Variants in GLRA2 observed in about 807,000 individuals in gnomAD.
The protein encoded by GLRA2 is glycine receptor alpha 2.
In GLRA2, 11 loss-of-function variants were observed where a neutral mutation model predicts 31.6. The observed-to-expected ratio is 0.35, with a 90% confidence interval of 0.22 to 0.58. The LOEUF is 0.58. Ranked by LOEUF, GLRA2 falls within the 20% of genes least tolerant of loss-of-function variation. GLRA2 has a pLI of 0.84. For missense variants in GLRA2, 212 were observed against 351.8 expected (o/e 0.60, Z 3.18); for synonymous variants, 132 against 134.0 (o/e 0.99, Z 0.10).
intron 2 of GLRA2, among the ~76,000 whole-genome samples, chrX:14,536,605 G>A (rs1415947384): frequency 8.9e-6 from 1 of 111,929 alleles, no homozygotes; most frequent in Non-Finnish European, 1.9e-5. Context: ...ACAGTAATTG[G>A]TTCAATTATA....
At chrX:14,594,754 T>C (rs1321669849) in intron 4 of GLRA2, among the ~76,000 whole-genome samples, 3 of 111,374 alleles carry the variant, frequency 2.7e-5, no homozygotes, top group Admixed American at 1.9e-4. Context: ...GGAACAGATA[T>C]TGTATTTTTG....
chrX:14,646,768 A>G (rs2090836458), intron 7 of GLRA2, among the ~76,000 whole-genome samples: 1 of 111,690 alleles, frequency 9.0e-6, no homozygotes. Flanking sequence ...TAACAAAGGT[A>G]GAGAGAATCA....
At chrX:14,631,618 C>T (rs1025435840) in intron 7 of GLRA2, among the ~76,000 whole-genome samples, 4 of 109,166 alleles carry the variant, frequency 3.7e-5, no homozygotes, top group Admixed American at 3.0e-4. Flanking sequence ...TATTTAATAC[C>T]TTATGAATGA....
chrX:14,631,718 T>C (rs1395473132), intron 7 of GLRA2, among the ~76,000 whole-genome samples: 1 of 106,015 alleles, frequency 9.4e-6, no homozygotes, highest in African/African-American at 3.4e-5. Context: ...TCCCCTAGCC[T>C]CAGTTACTCT....
chrX:14,570,942 T>C (rs1291576007), intron 2 of GLRA2, among the ~76,000 whole-genome samples: 1 of 111,204 alleles, frequency 9.0e-6, no homozygotes, highest in Non-Finnish European at 1.9e-5. Context: ...GCCAGATCTA[T>C]ATCTTACTTC....
At chrX:14,459,714 C>CA in the GLRA2 span, among the ~76,000 whole-genome samples, 1 of 111,784 alleles carries the variant, frequency 8.9e-6, no homozygotes, top group African/African-American at 3.3e-5. Context: ...GATTTTTGCA[C>CA]ATTGATTTTG....
chrX:14,715,668 G>C (rs2091774830), intron 8 of GLRA2, among the ~76,000 whole-genome samples: 1 of 111,482 alleles, frequency 9.0e-6, no homozygotes, highest in Non-Finnish European at 1.9e-5. Flanking sequence ...TAAAAGACTT[G>C]AAGGAGTTTA....
At chrX:14,670,565 C>T (rs190078142) in intron 7 of GLRA2, among the ~76,000 whole-genome samples, 3 of 111,435 alleles carry the variant, frequency 2.7e-5, no homozygotes, top group East Asian at 2.8e-4. Flanking sequence ...CTTATGTGGA[C>T]GGCAGCAGGC....
At chrX:14,634,713 T>C (rs1250115143) in intron 7 of GLRA2, among the ~76,000 whole-genome samples, 3 of 111,786 alleles carry the variant, frequency 2.7e-5, no homozygotes, top group Non-Finnish European at 5.6e-5. Context: ...CAAATAGACA[T>C]TGAGGTCCTA....
intron 6 of GLRA2, 145 bp from the exon 7 acceptor site, chrX:14,608,846 T>C (rs1273967197): frequency 9.3e-6 from 4 of 432,177 alleles, no homozygotes; most frequent in Admixed American, 4.4e-5. Flanking sequence ...AAGAGTTGAA[T>C]TGGTTACGTA....
intron 7 of GLRA2, among the ~76,000 whole-genome samples, chrX:14,680,185 A>ATG (rs2091185538): frequency 8.9e-6 from 1 of 112,350 alleles, no homozygotes; most frequent in Non-Finnish European, 1.9e-5. Flanking sequence ...TCCATGATCT[A>ATG]TGTGAATGAT....
At chrX:14,697,091 GA>G (rs572262137) in intron 8 of GLRA2, among the ~76,000 whole-genome samples, 85 of 103,770 alleles carry the variant, frequency 8.2e-4, no homozygotes, top group Middle Eastern at 4.9e-3. Context: ...ACCATGGTTA[GA>G]AAAAAAAAAA....
Position 14,607,228 on chromosome X carries a change from A to G in GLRA2, c.675A>G (p.Glu225=). 8.3e-7 allele frequency: 1 copy of G among 1,199,074 alleles called. No individual in the cohort carries two copies. Among genetic ancestry groups the G allele is most frequent in the South Asian group, 1.8e-5 (1 of 56,524 alleles). The change falls in exon 6 of 9, where the codon GAA becomes GAG. Residue 225 remains glutamate (E), a synonymous_variant. Coordinates refer to ENST00000218075, the MANE Select transcript of GLRA2 (RefSeq NM_002063.4). ...GLTLPQFILK[E]EKELGYCTKH... is the part of the protein sequence containing the mutation. ...CCCTGCCCCAGTTTATTTTGAAAGA[A>G]GAGAAGGAACTTGGCTACTGTACAA...
the GLRA2 span, among the ~76,000 whole-genome samples, chrX:14,523,776 G>A: frequency 9.0e-6 from 1 of 111,541 alleles, no homozygotes; most frequent in Non-Finnish European, 1.9e-5. Flanking sequence ...TCCTATACGG[G>A]TGTGGTTCAT....
At chrX:14,727,792 G>C (rs148823847) in intron 8 of GLRA2, among the ~76,000 whole-genome samples, 9 of 111,849 alleles carry the variant, frequency 8.0e-5, no homozygotes, top group African/African-American at 2.9e-4. Flanking sequence ...TCCGATGTTA[G>C]GCTGGATTTT....
At chrX:14,451,697 G>T in the GLRA2 span, among the ~76,000 whole-genome samples, 1 of 94,614 alleles carries the variant, frequency 1.1e-5, no homozygotes, top group Non-Finnish European at 2.1e-5. Flanking sequence ...TTAAAAAACC[G>T]AGACCTAACT....
intron 8 of GLRA2, among the ~76,000 whole-genome samples, chrX:14,710,741 T>C (rs999014366): frequency 8.9e-5 from 10 of 111,800 alleles, no homozygotes; most frequent in African/African-American, 2.6e-4. Flanking sequence ...TAGCAGGACA[T>C]AGCTTATCAA....
intron 7 of GLRA2, among the ~76,000 whole-genome samples, chrX:14,686,043 T>G (rs2091273408): frequency 4.5e-5 from 5 of 112,018 alleles, no homozygotes; most frequent in African/African-American, 1.3e-4. Flanking sequence ...AAGAACATCT[T>G]TATTTCTGCC....
rs59034480 is a variant in GLRA2, at chrX:14,674,789, A to C, written c.931-15921A>C. ...CTCTCTCTCTCCCATGCACACACAC[A>C]CAAACACACACACTCTCTGACTACA... On this transcript the variant is annotated intron_variant, in intron 7 of 8. Coordinates refer to ENST00000218075, the MANE Select transcript of GLRA2 (RefSeq NM_002063.4). Among the ~76,000 whole-genome samples, 172 of 109,103 alleles carry C rather than the reference A, an allele frequency of 1.6e-3. No individual in the cohort carries two copies. In the East Asian group the frequency reaches 0.021, roughly 13 times the overall value. The allele number at this position is 109,103 out of a possible 115,157, so 94.7% of individuals were successfully genotyped here. A position where few individuals can be genotyped will look rare whatever the true frequency, so the allele number is the denominator to read the frequency against.
Sources: allele counts gnomAD v4.1 joint callset (sites outside exome capture counted in the v4.1 genomes callset), GRCh38; gene constraint gnomAD v4.1.1; transcripts MANE v1.5; gene names NCBI Gene and HGNC (gene_info 2026-07-23, HGNC 2026-07-21).